The following ABCA6 variants were observed in gnomAD, a reference collection of about 807,000 sequenced individuals.
ABCA6 encodes ATP-binding cassette sub-family A member 6.
Under a neutral mutation model 191.2 loss-of-function variants are expected in ABCA6, and 164 were observed. That is an observed-to-expected ratio of 0.86 (90% CI 0.76 to 0.98). The LOEUF is 0.98. ABCA6 is among the 50% of genes least tolerant of loss of function. ABCA6 has a pLI of 0.00. For synonymous variants in ABCA6, 636 were observed against 647.7 expected (o/e 0.98, Z 0.27); for missense variants, 1,958 against 1,894.1 (o/e 1.03, Z -0.63).
intron 5 of ABCA6, among the ~76,000 whole-genome samples, chr17:69,134,149 G>C (rs1274368010): frequency 1.3e-5 from 2 of 152,024 alleles, no homozygotes; most frequent in African/African-American, 4.8e-5. Context: ...TGTGTTCCTT[G>C]GTCTGAATAT....
intron 2 of ABCA6, among the ~76,000 whole-genome samples, chr17:69,139,582 C>T (rs1344029614): frequency 6.6e-6 from 1 of 152,080 alleles, no homozygotes; most frequent in East Asian, 1.9e-4. Context: ...TTTGACCCAG[C>T]CATCTCATTA....
intron 18 of ABCA6, among the ~76,000 whole-genome samples, chr17:69,106,509 C>T (rs1188439571): frequency 6.9e-6 from 1 of 144,544 alleles, no homozygotes; most frequent in African/African-American, 2.6e-5. Flanking sequence ...AGGAGAATCG[C>T]TTGAACCTGG....
At chr17:69,082,328 AAC>A (rs61523425) in intron 36 of ABCA6, among the ~76,000 whole-genome samples, 11,704 of 144,726 alleles carry the variant, frequency 0.081, 772 homozygotes, top group African/African-American at 0.17. Context: ...GACATACACA[AAC>A]ACACACACAC....
At position 69,085,148 on chromosome 17, in the gene ABCA6, T is replaced by A. The variant is rs1488099172; in HGVS notation, c.4064A>T (p.His1355Leu). The A allele has an allele frequency of 6.2e-7, 1 of 1,612,056 alleles. No individual in the cohort carries two copies. The highest frequency in any genetic ancestry group is 2.2e-5 in the East Asian group (1 of 44,824). ...ELKGCSSVLGHLGYCPQENVL... is the reference protein window; with the variant it reads ...ELKGCSSVLGLLGYCPQENVL... ...GTTCTCTTGAGGGCAGTACCCCAGG[T>A]GGCCCAAAACTGAACTGCAGCCTTT... The change falls in exon 32 of 39, where the codon CAC becomes CTC. Residue 1355 changes from histidine to leucine, a missense_variant. By Grantham distance (99) the His-to-Leu change is moderately conservative. Coordinates refer to ENST00000284425, the MANE Select transcript of ABCA6 (RefSeq NM_080284.3).
chr17:69,091,203 A>G lies in ABCA6; in HGVS notation c.3468T>C (p.Ile1156=). 1 of 1,612,120 alleles carries G rather than the reference A, an allele frequency of 6.2e-7. No individual in the cohort carries two copies. Among genetic ancestry groups the G allele is most frequent in the Non-Finnish European group, 8.5e-7 (1 of 1,179,386 alleles). The change falls in exon 26 of 39, where the codon ATT becomes ATC. Residue 1156 remains isoleucine, a synonymous_variant. Coordinates refer to ENST00000284425, the MANE Select transcript of ABCA6 (RefSeq NM_080284.3). ...LINHFDLSIL[I]TTMVLVPSYT... Reference sequence around the variant, plus strand: ...ATGAAGGAACCAATACCATGGTGGTAATCAATATACTTAGGTCAAAATGAT... The same window carrying G: ...ATGAAGGAACCAATACCATGGTGGTGATCAATATACTTAGGTCAAAATGAT...
chr17:69,100,171 G>A (rs1162694495), intron 22 of ABCA6, among the ~76,000 whole-genome samples: 1 of 152,208 alleles, frequency 6.6e-6, no homozygotes, highest in African/African-American at 2.4e-5. Context: ...AGGAACAGCA[G>A]AAGGAGGTGA....
intron 6 of ABCA6, among the ~76,000 whole-genome samples, chr17:69,131,526 G>A (rs1037894602): frequency 1.3e-5 from 2 of 152,168 alleles, no homozygotes; most frequent in Non-Finnish European, 2.9e-5. Context: ...ACTTGCAGGG[G>A]TGGAGTGGAA....
chr17:69,095,660 G>C (rs1224358970), intron 25 of ABCA6, among the ~76,000 whole-genome samples: 1 of 152,142 alleles, frequency 6.6e-6, no homozygotes, highest in Non-Finnish European at 1.5e-5. Context: ...CCCATTCCAA[G>C]AGTTGAGAGC....
At chr17:69,112,694 T>G (rs1043224949) in intron 15 of ABCA6, 1 of 171,422 alleles carries the variant, frequency 5.8e-6, no homozygotes, top group Non-Finnish European at 1.2e-5. Flanking sequence ...GAGAAATTAT[T>G]TAATGGGTAC....
At position 69,107,826 on chromosome 17, in the gene ABCA6, A is replaced by T. The variant is rs780482097; in HGVS notation, c.2273-14T>A. The T allele has an allele frequency of 4.8e-6, 7 of 1,461,480 alleles. No homozygotes were observed. Among genetic ancestry groups the T allele is most frequent in the African/African-American group, 2.8e-5 (2 of 71,430 alleles). 90.5% of individuals were successfully genotyped at this position (1,461,480 alleles called of 1,614,324 possible). On this transcript the variant is annotated splice_polypyrimidine_tract_variant and intron_variant, in intron 17 of 38. Coordinates refer to ENST00000284425, the MANE Select transcript of ABCA6 (RefSeq NM_080284.3). ...CACTGAAAAGATCTAAGGCAAAAAA[A>T]TATGAATAGATACTTTGGAAAACCA...
At position 69,084,476 on chromosome 17, in the gene ABCA6, GC is replaced by G. The variant is rs1326063933; in HGVS notation, c.4215del (p.Gln1405HisfsTer2). The G allele has an allele frequency of 1.2e-6, 2 of 1,614,032 alleles. No individual in the cohort carries two copies. Among genetic ancestry groups the G allele is most frequent in the East Asian group, 4.5e-5 (2 of 44,894 alleles). The part of the protein sequence containing the change: ...RLVSAFKLHE[Q>X]LNVPVQKLTA... Reference sequence around the variant, plus strand: ...GTTAATTTCTGCACAGGAACATTCAGCTGCTCATGCAGTTTGAAAGCACTCA... The same window carrying G: ...GTTAATTTCTGCACAGGAACATTCAGTGCTCATGCAGTTTGAAAGCACTCA... On this transcript the variant is annotated frameshift_variant, in exon 33 of 39. Coordinates refer to ENST00000284425, the MANE Select transcript of ABCA6 (RefSeq NM_080284.3). LOFTEE classifies it high-confidence loss of function.
intron 25 of ABCA6, 63 bp downstream of exon 25, chr17:69,096,177 A>T: frequency 1.3e-6 from 1 of 770,854 alleles, no homozygotes; most frequent in Non-Finnish European, 1.9e-6. Context: ...ATCTGTATTT[A>T]AGATTACATT....
intron 22 of ABCA6, 81 bp downstream of exon 22, chr17:69,100,716 G>T: frequency 7.3e-7 from 1 of 1,363,538 alleles, no homozygotes; most frequent in Non-Finnish European, 9.8e-7. Flanking sequence ...ATCACTTATG[G>T]ATATTTAAAA....
intron 27 of ABCA6, 142 bp from the exon 28 acceptor site, chr17:69,088,400 A>C: frequency 1.6e-6 from 1 of 629,844 alleles, no homozygotes; most frequent in African/African-American, 1.9e-5. Context: ...GTAGCTATAC[A>C]TTCACAATCC....
chr17:69,136,323 T>C, intron 3 of ABCA6, 73 bp from the exon 4 acceptor site: 1 of 1,127,252 alleles, frequency 8.9e-7, no homozygotes. Context: ...GATATTCAAC[T>C]GTTTCCCCAT....
intron 2 of ABCA6, among the ~76,000 whole-genome samples, chr17:69,138,304 G>A (rs1008892220): frequency 2.0e-5 from 3 of 152,182 alleles, no homozygotes; most frequent in African/African-American, 7.2e-5. Context: ...ACCATGAGGA[G>A]TTAAAAATAA....
At chr17:69,080,354 A>G (rs1366995355) in intron 37 of ABCA6, among the ~76,000 whole-genome samples, 2 of 152,170 alleles carry the variant, frequency 1.3e-5, no homozygotes, top group East Asian at 1.9e-4. Flanking sequence ...AGTAAGCAGC[A>G]TGCCTGGGCT....
rs767382213 is a variant in ABCA6, at chr17:69,082,936, G to A, written c.4553C>T (p.Ser1518Phe). The A allele has an allele frequency of 1.2e-6, 2 of 1,614,222 alleles. No homozygotes were observed. Among genetic ancestry groups the A allele is most frequent in the Non-Finnish European group, 1.7e-6 (2 of 1,180,030 alleles). Residue 1518 changes from serine (S) to phenylalanine (F), a missense_variant, in exon 36 of 39, where the codon TCT becomes TTT. Coordinates refer to ENST00000284425, the MANE Select transcript of ABCA6 (RefSeq NM_080284.3). ...YILELKVKET[S>F]QVTLVHTEIL... is the part of the protein sequence containing the mutation. ...CTCAGTGTGGACCAAAGTCACTTGA[G>A]ACGTTTCCTTCACTTTTAGCTCTAG...
At chr17:69,096,473 A>C in intron 24 of ABCA6, 120 bp from the exon 25 acceptor site, 1 of 812,022 alleles carries the variant, frequency 1.2e-6, no homozygotes, top group Non-Finnish European at 1.8e-6. Context: ...TTGGTATCTG[A>C]AACTATTAGT....
Sources: gnomAD v4.1 joint callset for allele counts (sites outside exome capture counted in the v4.1 genomes callset) on GRCh38, gnomAD v4.1.1 for gene constraint, MANE v1.5 for transcripts, NCBI Gene and HGNC (gene_info 2026-07-23, HGNC 2026-07-21) for gene names.